Variants in ATP9A observed in about 807,000 individuals in gnomAD.
ATP9A encodes probable phospholipid-transporting ATPase IIA.
Under a neutral mutation model 144.1 loss-of-function variants are expected in ATP9A, and 52 were observed. That is an observed-to-expected ratio of 0.36 (90% CI 0.29 to 0.45). The LOEUF (loss-of-function observed/expected upper bound fraction) is 0.45, where lower values mean the gene tolerates loss of function less well. Ranked by LOEUF, ATP9A falls within the 20% of genes least tolerant of loss-of-function variation. The pLI is 1.00. For missense variants in ATP9A, 947 were observed against 1,392.7 expected (o/e 0.68, Z 5.09); for synonymous variants, 582 against 557.4 (o/e 1.04, Z -0.62).
At chr20:51,631,014 C>G (rs1004949318) in intron 15 of ATP9A, among the ~76,000 whole-genome samples, 3 of 152,034 alleles carry the variant, frequency 2.0e-5, no homozygotes, top group Non-Finnish European at 4.4e-5. Flanking sequence ...CTGTTCGGCT[C>G]CCCCAAAAAC....
intron 14 of ATP9A, among the ~76,000 whole-genome samples, chr20:51,656,002 A>G (rs1219750357): frequency 6.6e-6 from 1 of 152,224 alleles, no homozygotes; most frequent in Non-Finnish European, 1.5e-5. Flanking sequence ...TGAAAACATC[A>G]CACTAAGTAA....
chr20:51,613,984 C>A, intron 22 of ATP9A, 152 bp from the exon 23 acceptor site: 1 of 723,634 alleles, frequency 1.4e-6, no homozygotes, highest in Non-Finnish European at 2.1e-6. Flanking sequence ...GTTGGTGGTC[C>A]AAGTCTAAAT....
chr20:51,657,204 A>G, intron 13 of ATP9A, 54 bp from the exon 14 acceptor site: 1 of 1,486,892 alleles, frequency 6.7e-7, no homozygotes, highest in Non-Finnish European at 9.3e-7. Flanking sequence ...AATGATTTGG[A>G]GAGTGGAAGA....
chr20:51,646,407 A>G (rs998275084), intron 14 of ATP9A, among the ~76,000 whole-genome samples: 2 of 152,242 alleles, frequency 1.3e-5, no homozygotes, highest in African/African-American at 2.4e-5. Context: ...GGCATTCAAT[A>G]AGATAAATAC....
chr20:51,743,023 C>G (rs2077791683), intron 1 of ATP9A, among the ~76,000 whole-genome samples: 1 of 152,176 alleles, frequency 6.6e-6, no homozygotes, highest in Non-Finnish European at 1.5e-5. Context: ...AACTGTTGTC[C>G]CACGGTAGAA....
intron 14 of ATP9A, among the ~76,000 whole-genome samples, chr20:51,652,164 T>C (rs970784895): frequency 7.9e-5 from 12 of 152,190 alleles, no homozygotes; most frequent in African/African-American, 2.4e-4. Flanking sequence ...GGCTGAGGCC[T>C]GCTCGCTCCA....
In ATP9A at chr20:51,627,657, C is replaced by T. The variant is rs767644672; in HGVS notation, c.1788G>A (p.Leu596=). 90 of 1,614,120 alleles carry T rather than the reference C, an allele frequency of 5.6e-5. 1 individual carries two copies. The highest frequency in any genetic ancestry group is 5.2e-4 in the South Asian group (47 of 91,092). Residue 596 remains leucine, a synonymous_variant, in exon 17 of 28, where the codon CTG becomes CTA. Coordinates refer to ENST00000338821, the MANE Select transcript of ATP9A (RefSeq NM_006045.3). ...ACTTCTTTGCCACCACGAGCACCCGCAGCCCTTCTCGGGCCATGTTGCCAC... is the reference window on the plus strand; with the variant it reads ...ACTTCTTTGCCACCACGAGCACCCGTAGCCCTTCTCGGGCCATGTTGCCAC... ...EECGNMAREG[L]RVLVVAKKSL...
intron 9 of ATP9A, among the ~76,000 whole-genome samples, chr20:51,678,927 C>T (rs1307193780): frequency 1.3e-5 from 2 of 152,190 alleles, no homozygotes; most frequent in South Asian, 2.1e-4. Flanking sequence ...GACCACCAAC[C>T]GGAGAGGACG....
chr20:51,744,719 C>A (rs1179730646), intron 1 of ATP9A, among the ~76,000 whole-genome samples: 1 of 152,208 alleles, frequency 6.6e-6, no homozygotes, highest in Non-Finnish European at 1.5e-5. Flanking sequence ...TCAGTTAGCA[C>A]TGCGCAAATA....
At chr20:51,601,769 G>C (rs1174374958) in intron 27 of ATP9A, among the ~76,000 whole-genome samples, 1 of 152,128 alleles carries the variant, frequency 6.6e-6, no homozygotes, top group South Asian at 2.1e-4. Flanking sequence ...AGCCAGGCAT[G>C]GTGGTACATG....
rs182442739 is a variant in ATP9A at position 51,719,594 on chromosome 20, G to A, written c.327+6225C>T. Among the ~76,000 whole-genome samples the A allele has an allele frequency of 9.3e-4, 142 of 152,052 alleles. 1 individual carries two copies. In the East Asian group the frequency reaches 0.016, roughly 17 times the overall value. ...CTAAAAATACAAAAATTAGCTGGGC[G>A]TGGTGGCACGCACCTGTAGTCCCAG... On this transcript the variant is annotated intron_variant, in intron 3 of 27. Coordinates refer to ENST00000338821, the MANE Select transcript of ATP9A (RefSeq NM_006045.3).
intron 1 of ATP9A, among the ~76,000 whole-genome samples, chr20:51,731,503 G>T (rs180853340): frequency 6.6e-6 from 1 of 152,144 alleles, no homozygotes; most frequent in East Asian, 1.9e-4. Flanking sequence ...GGAGGTACCT[G>T]AGGTCAGGAG....
chr20:51,729,707 T>C, intron 2 of ATP9A, 127 bp downstream of exon 2: 1 of 1,122,768 alleles, frequency 8.9e-7, no homozygotes, highest in South Asian at 2.5e-5. Flanking sequence ...ATTGCGCCAC[T>C]GCACTCCAGC....
chr20:51,693,221 G>A (rs1212970758), intron 7 of ATP9A, among the ~76,000 whole-genome samples: 1 of 152,222 alleles, frequency 6.6e-6, no homozygotes, highest in Non-Finnish European at 1.5e-5. Context: ...GCAGGGAGAG[G>A]TGGGCAGAAA....
chr20:51,681,810 C>G (rs1331459021), intron 9 of ATP9A, among the ~76,000 whole-genome samples: 1 of 152,174 alleles, frequency 6.6e-6, no homozygotes, highest in Non-Finnish European at 1.5e-5. Flanking sequence ...CTGGGACCGG[C>G]AACGGACCTC....
intron 1 of ATP9A, among the ~76,000 whole-genome samples, chr20:51,740,385 C>T (rs866030365): frequency 2.7e-5 from 4 of 148,934 alleles, no homozygotes; most frequent in African/African-American, 9.9e-5. Context: ...AGTTGGGAGT[C>T]TGTCAGCCAC....
intron 1 of ATP9A, among the ~76,000 whole-genome samples, chr20:51,752,657 G>T (rs928203673): frequency 8.5e-5 from 13 of 152,104 alleles, no homozygotes; most frequent in African/African-American, 3.1e-4. Flanking sequence ...GTTTTCTGTG[G>T]TATCACACAC....
rs375285797 is a variant in ATP9A, at chr20:51,647,742, G to GA, written c.1507-8239dup. ...GAGACTCTGTCTCAAAAAAGAAAAAGAAAAAAAAAAGAAATGACTATATAT... is the reference window on the plus strand; with the variant it reads ...GAGACTCTGTCTCAAAAAAGAAAAAGAAAAAAAAAAAGAAATGACTATATAT... On this transcript the variant is annotated intron_variant, in intron 14 of 27. Transcript: ENST00000338821. Among the ~76,000 whole-genome samples, 1,093 of 146,646 alleles carry GA rather than the reference G, an allele frequency of 7.5e-3. 8 individuals carry two copies. Among genetic ancestry groups the GA allele is most frequent in the African/African-American group, 0.025 (1,011 of 39,960 alleles).
intron 9 of ATP9A, 88 bp downstream of exon 9, chr20:51,688,976 T>C: frequency 7.0e-7 from 1 of 1,432,106 alleles, no homozygotes; most frequent in Non-Finnish European, 9.8e-7. Context: ...AGCACTCATT[T>C]TTCCAACTGA....
Sources: gnomAD v4.1 joint callset for allele counts (sites outside exome capture counted in the v4.1 genomes callset) on GRCh38, gnomAD v4.1.1 for gene constraint, MANE v1.5 for transcripts, NCBI Gene and HGNC (gene_info 2026-07-23, HGNC 2026-07-21) for gene names.